The following GRIA4 variants were observed in gnomAD, a reference collection of about 807,000 sequenced individuals.
GRIA4 encodes glutamate receptor 4.
Under a neutral mutation model 104.0 loss-of-function variants are expected in GRIA4, and 34 were observed. That is an observed-to-expected ratio of 0.33 (90% CI 0.25 to 0.44). GRIA4 has a LOEUF of 0.44. GRIA4 is among the 20% of genes least tolerant of loss of function. The pLI is 1.00. For missense variants in GRIA4, 750 were observed against 1,096.5 expected (o/e 0.68, Z 4.46); for synonymous variants, 386 against 381.9 (o/e 1.01, Z -0.13).
intron 4 of GRIA4, among the ~76,000 whole-genome samples, chr11:105,796,192 C>G (rs1434233471): frequency 6.6e-6 from 1 of 152,132 alleles, no homozygotes; most frequent in Non-Finnish European, 1.5e-5. Flanking sequence ...TGATTCCATC[C>G]AACTTATCCA....
At chr11:105,610,878 T>C (rs1352456432) in intron 1 of GRIA4, 30 bp from the exon 2 acceptor site, 53 of 474,336 alleles carry the variant, frequency 1.1e-4, no homozygotes, top group Middle Eastern at 4.6e-4. Context: ...TTCTTTTTTT[T>C]TTTTTTTTTT....
intron 3 of GRIA4, among the ~76,000 whole-genome samples, chr11:105,644,898 T>C (rs1341266358): frequency 6.6e-6 from 1 of 152,186 alleles, no homozygotes; most frequent in Non-Finnish European, 1.5e-5. Flanking sequence ...GAACAGTGTA[T>C]AAGAAGCAAG....
chr11:105,958,552 A>G (rs1948650195), intron 14 of GRIA4, among the ~76,000 whole-genome samples: 1 of 152,284 alleles, frequency 6.6e-6, no homozygotes, highest in East Asian at 1.9e-4. Flanking sequence ...GATGTTCATC[A>G]GGGATATTGG....
chr11:105,694,152 A>C (rs889747685), intron 3 of GRIA4, among the ~76,000 whole-genome samples: 1 of 121,870 alleles, frequency 8.2e-6, no homozygotes, highest in East Asian at 2.7e-4. Context: ...GAAACAAGCT[A>C]ATTTTTTTTT....
At chr11:105,951,166 C>T (rs1189094569) in intron 14 of GRIA4, among the ~76,000 whole-genome samples, 1 of 152,048 alleles carries the variant, frequency 6.6e-6, no homozygotes, top group Admixed American at 6.6e-5. Flanking sequence ...ATCTGTGGAC[C>T]ATGGAATGGA....
chr11:105,752,077 A>G (rs1940030433), intron 3 of GRIA4, among the ~76,000 whole-genome samples: 1 of 152,160 alleles, frequency 6.6e-6, no homozygotes, highest in Admixed American at 6.6e-5. Context: ...AAGTCACACC[A>G]ATTTGGACCA....
Position 105,627,291 on chromosome 11 carries a change from G to C in GRIA4, c.247+14857G>C, listed in dbSNP as rs374481677. On this transcript the variant is annotated intron_variant, in intron 3 of 16. Transcript: ENST00000282499. ...CATCTGGAGAATAGAGTAGGGGTAG[G>C]GGGGATGGCAGGTAGGTGGTGGAGT... Among the ~76,000 whole-genome samples, 105 of 152,212 alleles carry C rather than the reference G, an allele frequency of 6.9e-4. No homozygotes were observed. The Middle Eastern group carries it at 0.024, about 35-fold the overall frequency.
intron 9 of GRIA4, among the ~76,000 whole-genome samples, chr11:105,907,639 T>C (rs1303532062): frequency 6.6e-6 from 1 of 152,138 alleles, no homozygotes; most frequent in Non-Finnish European, 1.5e-5. Flanking sequence ...GTGACCCCCA[T>C]CCAGGGCTCC....
intron 3 of GRIA4, among the ~76,000 whole-genome samples, chr11:105,634,533 G>A (rs1409647570): frequency 4.8e-4 from 54 of 111,390 alleles, no homozygotes; most frequent in African/African-American, 1.5e-3. Flanking sequence ...AGAAAGAAAA[G>A]AAAGAAAAAG....
intron 4 of GRIA4, among the ~76,000 whole-genome samples, chr11:105,798,912 T>C (rs1047860387): frequency 6.6e-5 from 10 of 152,240 alleles, no homozygotes; most frequent in African/African-American, 1.7e-4. Flanking sequence ...ACTGAACATA[T>C]GAAGTAGGCA....
chr11:105,614,004 A>T (rs767870794), intron 3 of GRIA4: 4 of 152,038 alleles, frequency 2.6e-5, no homozygotes, highest in Middle Eastern at 6.9e-3. Flanking sequence ...TTTAAAAGGG[A>T]TGTCAGCATT....
intron 4 of GRIA4, among the ~76,000 whole-genome samples, chr11:105,838,260 A>T (rs1255410456): frequency 6.6e-6 from 1 of 152,328 alleles, no homozygotes; most frequent in Non-Finnish European, 1.5e-5. Context: ...CGGTAACATC[A>T]GTCTTTTTCT....
chr11:105,771,127 C>T (rs138156430), intron 4 of GRIA4, among the ~76,000 whole-genome samples: 7 of 151,962 alleles, frequency 4.6e-5, no homozygotes, highest in African/African-American at 1.7e-4. Context: ...AGCCACTATG[C>T]TAGGTTTTTC....
intron 4 of GRIA4, among the ~76,000 whole-genome samples, chr11:105,821,381 A>C (rs1943570050): frequency 6.6e-6 from 1 of 152,124 alleles, no homozygotes; most frequent in Non-Finnish European, 1.5e-5. Flanking sequence ...TGGGTGATTT[A>C]TAAAGAAAAG....
intron 14 of GRIA4, among the ~76,000 whole-genome samples, chr11:105,947,145 T>C (rs569296725): frequency 2.0e-5 from 3 of 152,298 alleles, no homozygotes; most frequent in Non-Finnish European, 4.4e-5. Context: ...TAGATAAATA[T>C]ATTATAATGG....
intron 4 of GRIA4, among the ~76,000 whole-genome samples, chr11:105,775,355 C>G (rs530949225): frequency 1.8e-4 from 27 of 152,148 alleles, no homozygotes; most frequent in Non-Finnish European, 3.2e-4. Flanking sequence ...ATTTAACTTA[C>G]CATACAAAAT....
chr11:105,629,961 T>C (rs1017651374), intron 3 of GRIA4, among the ~76,000 whole-genome samples: 3 of 152,230 alleles, frequency 2.0e-5, no homozygotes, highest in Non-Finnish European at 2.9e-5. Context: ...GCATTTGTCA[T>C]CGTCAATTGA....
rs754993716 is a variant in GRIA4 at position 105,612,344 on chromosome 11, A to G, written c.157A>G (p.Thr53Ala). ...AFRLAIFLHN[T>A]SPNASEAPFN... ...TCGATTAGCAATTTTTCTTCATAACACCAGCCCCAATGCGTCGGAAGCTCC... is the reference window on the plus strand; with the variant it reads ...TCGATTAGCAATTTTTCTTCATAACGCCAGCCCCAATGCGTCGGAAGCTCC... The change falls in exon 3 of 17, where the codon ACC becomes GCC. Residue 53 changes from threonine (T) to alanine (A), a missense_variant. Physicochemically the swap from Thr to Ala is moderately conservative, Grantham distance 58 (BLOSUM62 0). Around this residue, in one of 3 missense-constraint regions of GRIA4, gnomAD observed 410 missense variants for 502.7 expected, o/e 0.82. Transcript: ENST00000282499. 8 of 1,614,046 alleles carry G rather than the reference A, an allele frequency of 5.0e-6. No homozygotes were observed. The South Asian group carries it at 8.8e-5, about 18-fold the overall frequency.
At chr11:105,922,794 A>T (rs1947601063) in intron 11 of GRIA4, among the ~76,000 whole-genome samples, 1 of 152,096 alleles carries the variant, frequency 6.6e-6, no homozygotes, top group South Asian at 2.1e-4. Context: ...GTGATGGGAA[A>T]AGATAACATT....
Sources: allele counts gnomAD v4.1 joint callset (sites outside exome capture counted in the v4.1 genomes callset), GRCh38; gene constraint gnomAD v4.1.1; regional missense constraint gnomAD v4.1.1; transcripts MANE v1.5; gene names NCBI Gene and HGNC (gene_info 2026-07-23, HGNC 2026-07-21).